The following DNAL1 variants were observed in gnomAD, a reference collection of about 807,000 sequenced individuals.
DNAL1 encodes dynein axonemal light chain 1.
A neutral mutation model predicts 29.4 loss-of-function variants in DNAL1; 17 were observed. The observed-to-expected ratio is 0.58, with a 90% CI of 0.40 to 0.87. DNAL1 has a LOEUF of 0.87. Among genes scored for constraint, DNAL1 ranks in the 40% least tolerant of loss-of-function variants. The pLI is 0.00. For missense variants in DNAL1, 188 were observed against 214.1 expected (o/e 0.88, Z 0.76); for synonymous variants, 78 against 76.3 (o/e 1.02, Z -0.12).
intron 1 of DNAL1, among the ~76,000 whole-genome samples, chr14:73,651,841 G>A (rs1287018515): frequency 6.6e-6 from 1 of 152,024 alleles, no homozygotes; most frequent in Non-Finnish European, 1.5e-5. Context: ...ATTTTTAGTA[G>A]AGACGGGGTT....
chr14:73,681,633 A>AAAATATAT (rs1555402645), intron 5 of DNAL1, among the ~76,000 whole-genome samples: 2 of 35,416 alleles, frequency 5.6e-5, no homozygotes, highest in African/African-American at 4.3e-4. Flanking sequence ...AAAAAAAAAA[A>AAAATATAT]ATATATATAT....
chr14:73,663,274 C>T (rs1440864867), intron 4 of DNAL1, among the ~76,000 whole-genome samples: 2 of 143,600 alleles, frequency 1.4e-5, no homozygotes, highest in Non-Finnish European at 3.0e-5. Flanking sequence ...GGTGCAATCT[C>T]AGCTCACTAC....
intron 2 of DNAL1, among the ~76,000 whole-genome samples, chr14:73,657,838 A>G (rs1426128100): frequency 6.6e-6 from 1 of 151,876 alleles, no homozygotes; most frequent in African/African-American, 2.4e-5. Context: ...CAGGTGATCC[A>G]CCCTCCTCGG....
At chr14:73,691,758 A>G (rs1026888126) in intron 7 of DNAL1, among the ~76,000 whole-genome samples, 2 of 150,744 alleles carry the variant, frequency 1.3e-5, no homozygotes, top group Non-Finnish European at 2.9e-5. Context: ...CAATGGCGCA[A>G]TCTTGGCTCA....
In DNAL1 at chr14:73,698,520, G is replaced by GT. The variant is rs199669674; in HGVS notation, c.*2587dup. The GT allele has an allele frequency of 0.041, 6,200 of 150,902 alleles. 152 individuals carry two copies. Among genetic ancestry groups the GT allele is most frequent in the Middle Eastern group, 0.075 (22 of 294 alleles). The allele number at this position is 150,902 out of a possible 1,614,324, so 9.3% of individuals were successfully genotyped here. A position where few individuals can be genotyped will look rare whatever the true frequency, so the allele number is the denominator to read the frequency against. ...GGATCATTTAAATTTTTTCTATTCT[G>GT]TTTTTTTTTGTTTGTTTGTTTGTTT... On this transcript the variant is annotated 3_prime_UTR_variant, in exon 8 of 8. Coordinates refer to ENST00000553645, the MANE Select transcript of DNAL1 (RefSeq NM_031427.4).
At chr14:73,684,832 G>A (rs900630285) in intron 5 of DNAL1, among the ~76,000 whole-genome samples, 2 of 152,154 alleles carry the variant, frequency 1.3e-5, no homozygotes, top group Non-Finnish European at 2.9e-5. Context: ...AGGAGTTCAA[G>A]GCTGCAGTGA....
Position 73,671,580 on chromosome 14 carries a change from A to G in DNAL1, c.247A>G (p.Lys83Glu). ...RILSLGRNNI[K>E]NLNGLEAVGD... is the part of the protein sequence containing the mutation. ...ATTATCTTTAGGAAGAAACAACATAAAGAACTTAAATGGACTGGTAGGTTG... is the reference window on the plus strand; with the variant it reads ...ATTATCTTTAGGAAGAAACAACATAGAGAACTTAAATGGACTGGTAGGTTG... Residue 83 changes from lysine to glutamate, a missense_variant, in exon 5 of 8, where the codon AAG (lysine) becomes GAG (glutamate). Lys to Glu is a moderately conservative substitution (Grantham distance 56, BLOSUM62 1). Transcript: ENST00000553645. 1 of 1,489,008 alleles carries G rather than the reference A, an allele frequency of 6.7e-7. No individual in the cohort carries two copies. Among genetic ancestry groups the G allele is most frequent in the Non-Finnish European group, 9.0e-7 (1 of 1,112,812 alleles). 92.2% of individuals were successfully genotyped at this position (1,489,008 alleles called of 1,614,324 possible).
intron 2 of DNAL1, among the ~76,000 whole-genome samples, chr14:73,658,221 G>A (rs1217114484): frequency 6.6e-6 from 1 of 152,122 alleles, no homozygotes. Flanking sequence ...GTAAATACAT[G>A]GACTTATTTC....
chr14:73,678,979 A>G (rs1376926653), intron 5 of DNAL1, among the ~76,000 whole-genome samples: 1 of 152,048 alleles, frequency 6.6e-6, no homozygotes, highest in Non-Finnish European at 1.5e-5. Flanking sequence ...AGGGTGAGAA[A>G]GACTTTTCTA....
intron 5 of DNAL1, among the ~76,000 whole-genome samples, chr14:73,686,899 A>G (rs530064008): frequency 5.3e-5 from 8 of 152,310 alleles, no homozygotes; most frequent in African/African-American, 1.9e-4. Context: ...ACCAAATAAT[A>G]TACTCTATAG....
intron 5 of DNAL1, among the ~76,000 whole-genome samples, chr14:73,679,849 T>TA (rs1891835314): frequency 6.6e-6 from 1 of 152,020 alleles, no homozygotes; most frequent in South Asian, 2.1e-4. Context: ...AGTTTATTTT[T>TA]ACATGTGTCA....
chr14:73,690,652 CAA>C (rs1256253887), intron 7 of DNAL1, among the ~76,000 whole-genome samples: 18 of 100,238 alleles, frequency 1.8e-4, no homozygotes, highest in Admixed American at 3.2e-4. Flanking sequence ...AACTCCGTCT[CAA>C]AAAAAAAAAA....
chr14:73,668,965 C>G (rs1891550326), intron 4 of DNAL1, among the ~76,000 whole-genome samples: 1 of 152,190 alleles, frequency 6.6e-6, no homozygotes, highest in South Asian at 2.1e-4. Flanking sequence ...GCGTGAGCCT[C>G]TACACCTGGC....
chr14:73,693,510 A>G (rs2140064843), intron 7 of DNAL1, among the ~76,000 whole-genome samples: 1 of 152,340 alleles, frequency 6.6e-6, no homozygotes, highest in South Asian at 2.1e-4. Flanking sequence ...ATGAATTAAA[A>G]TTTTACACAA....
At chr14:73,682,123 A>G (rs1891902332) in intron 5 of DNAL1, among the ~76,000 whole-genome samples, 1 of 150,996 alleles carries the variant, frequency 6.6e-6, no homozygotes, top group Non-Finnish European at 1.5e-5. Flanking sequence ...AAAAATAATA[A>G]TATTGTTTTT....
At chr14:73,691,564 A>G (rs1892172680) in intron 7 of DNAL1, among the ~76,000 whole-genome samples, 1 of 152,104 alleles carries the variant, frequency 6.6e-6, no homozygotes, top group South Asian at 2.1e-4. Flanking sequence ...CAAAATAAAG[A>G]GTTATAATTA....
chr14:73,665,594 C>T, intron 4 of DNAL1, among the ~76,000 whole-genome samples: 1 of 152,068 alleles, frequency 6.6e-6, no homozygotes, highest in East Asian at 1.9e-4. Flanking sequence ...AGTTTGAGAT[C>T]AGCCTGGCCA....
chr14:73,671,761 A>G (rs1329047976), intron 5 of DNAL1, among the ~76,000 whole-genome samples, 164 bp downstream of exon 5: 2 of 152,288 alleles, frequency 1.3e-5, no homozygotes, highest in South Asian at 4.1e-4. Context: ...GTTTGCAACA[A>G]CCTGTACTCC....
chr14:73,681,566 G>T (rs1470670533), intron 5 of DNAL1, among the ~76,000 whole-genome samples: 12 of 129,368 alleles, frequency 9.3e-5, no homozygotes, highest in Non-Finnish European at 1.5e-4. Context: ...CCAGTAGTTG[G>T]AATCAAGCAT....
Sources: gnomAD v4.1 joint callset for allele counts (sites outside exome capture counted in the v4.1 genomes callset) on GRCh38, gnomAD v4.1.1 for gene constraint, MANE v1.5 for transcripts, NCBI Gene and HGNC (gene_info 2026-07-23, HGNC 2026-07-21) for gene names.